The following KCNIP4 variants were observed in gnomAD, a reference collection of about 807,000 sequenced individuals.
KCNIP4 encodes the protein Kv channel-interacting protein 4.
Under a neutral mutation model 34.0 loss-of-function variants are expected in KCNIP4, and 12 were observed. The observed-to-expected ratio is 0.35, with a 90% confidence interval of 0.23 to 0.57. KCNIP4 has a LOEUF of 0.57. KCNIP4 is among the 20% of genes least tolerant of loss of function. The pLI, the probability that KCNIP4 is intolerant of heterozygous loss-of-function variation, is 0.83. For missense variants in KCNIP4, 238 were observed against 311.7 expected (o/e 0.76, Z 1.78); for synonymous variants, 124 against 102.2 (o/e 1.21, Z -1.29).
intron 1 of KCNIP4, among the ~76,000 whole-genome samples, chr4:20,926,001 T>C (rs1430030206): frequency 6.6e-6 from 1 of 152,226 alleles, no homozygotes; most frequent in Admixed American, 6.5e-5. Context: ...CCTGGTCACA[T>C]AGGTGCTCTC....
At chr4:21,217,179 G>A (rs1757649052) in intron 1 of KCNIP4, among the ~76,000 whole-genome samples, 1 of 152,180 alleles carries the variant, frequency 6.6e-6, no homozygotes, top group South Asian at 2.1e-4. Flanking sequence ...AAACTGCAGA[G>A]CTAGCATTCA....
chr4:21,401,732 T>C (rs913853789), intron 1 of KCNIP4, among the ~76,000 whole-genome samples: 1 of 152,220 alleles, frequency 6.6e-6, no homozygotes, highest in African/African-American at 2.4e-5. Context: ...TGCTAATTCA[T>C]AGCACATTCC....
At position 21,379,040 on chromosome 4, in the gene KCNIP4, C is replaced by G. The variant is rs183491344; in HGVS notation, c.62-496331G>C. On this transcript the variant is annotated intron_variant, in intron 1 of 8. Transcript: ENST00000382152. The stretch of plus-strand genomic sequence containing the variant: ...CATTTTTGAAATAGACACATATTAT[C>G]TATGCATGAGCAATATATCATACTG... Among the ~76,000 whole-genome samples the G allele has an allele frequency of 2.6e-4, 40 of 152,280 alleles. No individual in the cohort carries two copies. In the East Asian group the frequency reaches 7.5e-3, roughly 29 times the overall value.
intron 1 of KCNIP4, among the ~76,000 whole-genome samples, chr4:20,923,841 C>G (rs1729645307): frequency 6.6e-6 from 1 of 152,068 alleles, no homozygotes; most frequent in Non-Finnish European, 1.5e-5. Context: ...ACCCACTCCA[C>G]TTTAACATTG....
chr4:21,837,906 G>C (rs112581449), intron 1 of KCNIP4, among the ~76,000 whole-genome samples: 1 of 152,108 alleles, frequency 6.6e-6, no homozygotes, highest in Non-Finnish European at 1.5e-5. Flanking sequence ...ATTTTGGGCA[G>C]CACTGGGCCA....
intron 1 of KCNIP4, among the ~76,000 whole-genome samples, chr4:21,609,302 AT>A (rs1743971160): frequency 6.6e-6 from 1 of 152,198 alleles, no homozygotes; most frequent in African/African-American, 2.4e-5. Flanking sequence ...TACTGATATT[AT>A]GTATTGGTCA....
intron 1 of KCNIP4, among the ~76,000 whole-genome samples, chr4:21,236,802 GC>G (rs1759389592): frequency 6.6e-6 from 1 of 151,176 alleles, no homozygotes; most frequent in Admixed American, 6.6e-5. Context: ...AAGGTCAGGA[GC>G]TCAAGACCAG....
intron 1 of KCNIP4, among the ~76,000 whole-genome samples, chr4:21,473,690 G>A (rs989203875): frequency 1.3e-5 from 2 of 151,728 alleles, no homozygotes; most frequent in African/African-American, 4.8e-5. Flanking sequence ...AGTCTTGTGG[G>A]GAGCAACACA....
intron 1 of KCNIP4, among the ~76,000 whole-genome samples, chr4:21,455,192 C>T (rs1728824434): frequency 6.6e-6 from 1 of 151,686 alleles, no homozygotes; most frequent in Admixed American, 6.6e-5. Context: ...TACACCTGGC[C>T]CAATCAGAAG....
chr4:21,948,490 G>A, intron 1 of KCNIP4, 81 bp downstream of exon 1: 3 of 1,465,370 alleles, frequency 2.0e-6, no homozygotes, highest in Non-Finnish European at 2.8e-6. Flanking sequence ...CCCAGCCGAG[G>A]AAGGGAAGGG....
chr4:20,758,124 T>C (rs542738502), intron 4 of KCNIP4, among the ~76,000 whole-genome samples: 1 of 152,154 alleles, frequency 6.6e-6, no homozygotes, highest in African/African-American at 2.4e-5. Context: ...GGGACAAATA[T>C]AAGTTGGGCA....
chr4:21,406,475 G>T (rs953857502), intron 1 of KCNIP4, among the ~76,000 whole-genome samples: 4 of 152,060 alleles, frequency 2.6e-5, no homozygotes, highest in Non-Finnish European at 5.9e-5. Context: ...AAGCAAATAG[G>T]CCAGTTTCAA....
chr4:20,951,426 A>G (rs1203046999), intron 1 of KCNIP4, among the ~76,000 whole-genome samples: 1 of 152,254 alleles, frequency 6.6e-6, no homozygotes, highest in Non-Finnish European at 1.5e-5. Context: ...TGGAAATGGG[A>G]TTAAATGATA....
chr4:21,401,805 G>C (rs772995348), intron 1 of KCNIP4, among the ~76,000 whole-genome samples: 16 of 152,166 alleles, frequency 1.1e-4, no homozygotes, highest in Admixed American at 7.2e-4. Context: ...TCTCAAGGGA[G>C]GGCAAGTTCT....
At chr4:21,670,778 C>G (rs1305648058) in intron 1 of KCNIP4, among the ~76,000 whole-genome samples, 1 of 152,008 alleles carries the variant, frequency 6.6e-6, no homozygotes, top group Non-Finnish European at 1.5e-5. Flanking sequence ...GCCTCAGCCT[C>G]CCGAGTAGCT....
At chr4:21,043,910 G>T (rs1344303765) in intron 1 of KCNIP4, among the ~76,000 whole-genome samples, 1 of 152,082 alleles carries the variant, frequency 6.6e-6, no homozygotes, top group Non-Finnish European at 1.5e-5. Context: ...TGTCACCATG[G>T]TCCTATAGTA....
At chr4:21,532,930 A>G (rs1736811565) in intron 1 of KCNIP4, among the ~76,000 whole-genome samples, 1 of 151,788 alleles carries the variant, frequency 6.6e-6, no homozygotes, top group Admixed American at 6.6e-5. Context: ...TTGCATCTCA[A>G]GGTTGTTAGA....
At chr4:21,061,667 T>C (rs1165563213) in intron 1 of KCNIP4, among the ~76,000 whole-genome samples, 1 of 152,176 alleles carries the variant, frequency 6.6e-6, no homozygotes, top group African/African-American at 2.4e-5. Context: ...TCAATTGTAT[T>C]TTAGGACCTT....
At chr4:21,379,348 C>T (rs1397986249) in intron 1 of KCNIP4, among the ~76,000 whole-genome samples, 4 of 152,160 alleles carry the variant, frequency 2.6e-5, no homozygotes, top group Admixed American at 6.6e-5. Context: ...AGTCTTCTAC[C>T]GTTCTGCATG....
Sources: allele counts gnomAD v4.1 joint callset (sites outside exome capture counted in the v4.1 genomes callset), GRCh38; gene constraint gnomAD v4.1.1; transcripts MANE v1.5; gene names NCBI Gene and HGNC (gene_info 2026-07-23, HGNC 2026-07-21).